The following PXDNL variants were observed in gnomAD, a reference collection of about 807,000 sequenced individuals.
PXDNL encodes the protein peroxidasin like.
PXDNL carries 145 observed loss-of-function variants against 150.8 expected under a neutral mutation model. The observed-to-expected ratio is 0.96, with a 90% CI of 0.84 to 1.10. PXDNL has a LOEUF of 1.10. Among genes scored for constraint, PXDNL ranks in the 50% least tolerant of loss-of-function variants. The pLI is 0.00. For synonymous variants in PXDNL, 757 were observed against 725.7 expected (o/e 1.04, Z -0.69); for missense variants, 2,087 against 1,873.9 (o/e 1.11, Z -2.10).
At chr8:51,402,466 C>G (rs886101730) in intron 17 of PXDNL, among the ~76,000 whole-genome samples, 4 of 151,998 alleles carry the variant, frequency 2.6e-5, no homozygotes, top group Non-Finnish European at 5.9e-5. Context: ...CTGCAGCAAG[C>G]CGAGATCGCA....
At chr8:51,556,367 G>T (rs935343248) in intron 4 of PXDNL, among the ~76,000 whole-genome samples, 4 of 151,984 alleles carry the variant, frequency 2.6e-5, no homozygotes, top group Non-Finnish European at 5.9e-5. Flanking sequence ...AAAATGAGAG[G>T]TATAATCCCA....
chr8:51,628,486 A>G (rs1387935910), intron 2 of PXDNL, among the ~76,000 whole-genome samples: 1 of 128,622 alleles, frequency 7.8e-6, no homozygotes, highest in Non-Finnish European at 1.6e-5. Context: ...GCTCACTGCA[A>G]CCTCTAACTC....
intron 1 of PXDNL, among the ~76,000 whole-genome samples, chr8:51,700,118 G>A (rs13439031): frequency 0.85 from 128,850 of 151,968 alleles, 54,996 homozygotes; most frequent in African/African-American, 0.95. Context: ...AAATGCAATC[G>A]TCTGTGAAAT....
intron 6 of PXDNL, among the ~76,000 whole-genome samples, chr8:51,480,315 C>T (rs553981118): frequency 2.0e-5 from 3 of 152,238 alleles, no homozygotes; most frequent in African/African-American, 7.2e-5. Context: ...GTACAGGAAG[C>T]ATAGTGCCAG....
chr8:51,710,471 T>C (rs1816476074), intron 1 of PXDNL, among the ~76,000 whole-genome samples: 1 of 152,236 alleles, frequency 6.6e-6, no homozygotes, highest in Non-Finnish European at 1.5e-5. Flanking sequence ...AATGTGCTTT[T>C]ATAGCAATTT....
intron 19 of PXDNL, among the ~76,000 whole-genome samples, chr8:51,353,103 CTT>C (rs1429064604): frequency 5.3e-5 from 8 of 151,592 alleles, no homozygotes; most frequent in South Asian, 4.2e-4. Flanking sequence ...ATTTTTCTCT[CTT>C]TGTCATTATT....
chr8:51,490,692 A>C lies in PXDNL; in HGVS notation c.453-6978T>G, dbSNP rs139018858. On this transcript the variant is annotated intron_variant, in intron 5 of 22. Transcript: ENST00000356297. Reference sequence around the variant, plus strand: ...CATATATATACATATATACACATACAAATAGTTCACTCATCAGTATGTAAT... The same window carrying C: ...CATATATATACATATATACACATACCAATAGTTCACTCATCAGTATGTAAT... 2.4e-3 allele frequency among the ~76,000 whole-genome samples: 357 copies of C among 148,896 alleles called. 1 individual carries two copies. Among genetic ancestry groups the C allele is most frequent in the African/African-American group, 8.4e-3 (340 of 40,592 alleles).
At chr8:51,691,572 A>C (rs1311074806) in intron 1 of PXDNL, among the ~76,000 whole-genome samples, 2 of 152,040 alleles carry the variant, frequency 1.3e-5, no homozygotes, top group African/African-American at 4.8e-5. Context: ...AAGTTAATTT[A>C]AAATGAAAAA....
At chr8:51,699,297 AC>A (rs1816203850) in intron 1 of PXDNL, among the ~76,000 whole-genome samples, 1 of 152,136 alleles carries the variant, frequency 6.6e-6, no homozygotes, top group South Asian at 2.1e-4. Context: ...GATGCTAAGC[AC>A]TTGCACTTTT....
intron 9 of PXDNL, among the ~76,000 whole-genome samples, chr8:51,454,786 T>C (rs1327875058): frequency 6.6e-6 from 1 of 152,156 alleles, no homozygotes; most frequent in Non-Finnish European, 1.5e-5. Flanking sequence ...TACTGGATGT[T>C]GGAAAGATAC....
Position 51,323,945 on chromosome 8 carries a change from A to T in PXDNL, c.4147-3048T>A, listed in dbSNP as rs575294272. ...AAAAATAAAATAAAATAAAATAAAA[A>T]AATAAAAAAAAAAAGAATCTTGTAC... On this transcript the variant is annotated intron_variant, in intron 21 of 22. Coordinates refer to ENST00000356297, the MANE Select transcript of PXDNL (RefSeq NM_144651.5). Among the ~76,000 whole-genome samples the T allele has an allele frequency of 2.3e-3, 299 of 128,900 alleles. 1 individual carries two copies. Among genetic ancestry groups the T allele is most frequent in the South Asian group, 9.2e-3 (41 of 4,456 alleles). 84.6% of individuals were successfully genotyped at this position (128,900 alleles called of 152,430 possible).
intron 4 of PXDNL, among the ~76,000 whole-genome samples, chr8:51,505,527 G>A (rs1310462790): frequency 6.6e-6 from 1 of 152,132 alleles, no homozygotes; most frequent in Non-Finnish European, 1.5e-5. Context: ...CAACCTTTTT[G>A]TACAAAGTGG....
chr8:51,374,494 A>G, intron 18 of PXDNL, 103 bp downstream of exon 18: 2 of 1,113,762 alleles, frequency 1.8e-6, no homozygotes, highest in Non-Finnish European at 2.6e-6. Context: ...TATACTCAAT[A>G]TGCATTAAAT....
At chr8:51,537,997 T>C (rs1189053753) in intron 4 of PXDNL, among the ~76,000 whole-genome samples, 1 of 152,236 alleles carries the variant, frequency 6.6e-6, no homozygotes, top group East Asian at 1.9e-4. Flanking sequence ...ATTGTATTAC[T>C]ATTTTCTCAT....
intron 10 of PXDNL, among the ~76,000 whole-genome samples, chr8:51,449,786 C>A (rs1377776307): frequency 1.3e-5 from 2 of 152,156 alleles, no homozygotes; most frequent in Admixed American, 6.5e-5. Flanking sequence ...CCCAGTAACG[C>A]CTAAGTGATC....
At chr8:51,519,660 C>A (rs1386704878) in intron 4 of PXDNL, among the ~76,000 whole-genome samples, 1 of 152,102 alleles carries the variant, frequency 6.6e-6, no homozygotes, top group East Asian at 1.9e-4. Context: ...CATCTCAAGA[C>A]TGAGTTCATC....
chr8:51,380,795 A>T (rs566097706), intron 17 of PXDNL, among the ~76,000 whole-genome samples: 9 of 152,258 alleles, frequency 5.9e-5, no homozygotes, highest in East Asian at 1.9e-4. Context: ...TTTAGTTAGG[A>T]TGTTTCATTT....
In PXDNL at chr8:51,636,385, C is replaced by T. The variant is rs189544776; in HGVS notation, c.236+18304G>A. 4.4e-3 allele frequency among the ~76,000 whole-genome samples: 669 copies of T among 152,206 alleles called. 9 individuals carry two copies. Among genetic ancestry groups the T allele is most frequent in the African/African-American group, 0.015 (635 of 41,534 alleles). On this transcript the variant is annotated intron_variant, in intron 2 of 22. Coordinates refer to ENST00000356297, the MANE Select transcript of PXDNL (RefSeq NM_144651.5). ...ATAAAAAGAAATACAGGCATCCAAA[C>T]TGGAAAATAAGAAGTAAAACTATCT...
rs545591233 is a variant in PXDNL, at chr8:51,501,342, A to T, written c.381-1572T>A. On this transcript the variant is annotated intron_variant, in intron 4 of 22. Coordinates refer to ENST00000356297, the MANE Select transcript of PXDNL (RefSeq NM_144651.5). Reference sequence around the variant, plus strand: ...GCTTCACACATACTTTCATACTGACACACACTCTCACATTGTCTCACACTG... The same window carrying T: ...GCTTCACACATACTTTCATACTGACTCACACTCTCACATTGTCTCACACTG... Among the ~76,000 whole-genome samples the T allele has an allele frequency of 2.9e-3, 392 of 133,016 alleles. 7 individuals are homozygous for T. The highest frequency in any genetic ancestry group is 0.012 in the African/African-American group (375 of 31,650). 87.3% of individuals were successfully genotyped at this position (133,016 alleles called of 152,430 possible).
Sources: gnomAD v4.1 joint callset for allele counts (sites outside exome capture counted in the v4.1 genomes callset) on GRCh38, gnomAD v4.1.1 for gene constraint, MANE v1.5 for transcripts, NCBI Gene and HGNC (gene_info 2026-07-23, HGNC 2026-07-21) for gene names.